The following SORBS2 variants were observed in gnomAD, a reference collection of about 807,000 sequenced individuals.
The protein encoded by SORBS2 is sorbin and SH3 domain containing 2.
A neutral mutation model predicts 97.7 loss-of-function variants in SORBS2; 46 were observed. The observed-to-expected ratio is 0.47, with a 90% CI of 0.37 to 0.60. The LOEUF is 0.60. Ranked by LOEUF, SORBS2 falls within the 20% of genes least tolerant of loss-of-function variation. The pLI, the probability that SORBS2 is intolerant of heterozygous loss-of-function variation, is 0.00. For synonymous variants in SORBS2, 476 were observed against 473.4 expected (o/e 1.01, Z -0.07); for missense variants, 1,316 against 1,282.3 (o/e 1.03, Z -0.40).
chr4:185,721,354 C>T (rs1031505196), intron 2 of SORBS2, among the ~76,000 whole-genome samples: 14 of 152,172 alleles, frequency 9.2e-5, no homozygotes, highest in Admixed American at 7.9e-4. Context: ...GGATTACAGG[C>T]GTGAGCCAGC....
chr4:185,899,759 A>G (rs1055670563), intron 1 of SORBS2, among the ~76,000 whole-genome samples: 1 of 152,248 alleles, frequency 6.6e-6, no homozygotes, highest in Non-Finnish European at 1.5e-5. Context: ...GTGTTACAGT[A>G]GAGCCCAACG....
chr4:185,648,726 G>T (rs994510211), intron 3 of SORBS2, among the ~76,000 whole-genome samples: 3 of 152,174 alleles, frequency 2.0e-5, no homozygotes, highest in African/African-American at 7.2e-5. Context: ...ATAACGAGCT[G>T]CATGAGCTGA....
chr4:185,695,801 A>G (rs1264505057), intron 2 of SORBS2, among the ~76,000 whole-genome samples: 4 of 152,242 alleles, frequency 2.6e-5, no homozygotes, highest in African/African-American at 9.6e-5. Context: ...ATATGTCAAC[A>G]TGCTGCTTTG....
chr4:185,653,318 C>T (rs879615887), intron 1 of SORBS2, among the ~76,000 whole-genome samples: 8 of 152,186 alleles, frequency 5.3e-5, no homozygotes, highest in African/African-American at 1.4e-4. Context: ...AATATGATAA[C>T]AGAGTGTATA....
At chr4:185,849,581 C>A (rs1437177621) in intron 1 of SORBS2, among the ~76,000 whole-genome samples, 1 of 151,798 alleles carries the variant, frequency 6.6e-6, no homozygotes, top group African/African-American at 2.4e-5. Context: ...TCTGCCTAAA[C>A]CCTGTCCTGT....
intron 1 of SORBS2, among the ~76,000 whole-genome samples, chr4:185,943,607 G>A (rs1057293682): frequency 2.6e-5 from 4 of 152,112 alleles, no homozygotes; most frequent in Non-Finnish European, 5.9e-5. Flanking sequence ...ATGTCACAGG[G>A]AAAAATAGCA....
At chr4:185,819,729 C>T (rs552491627) in intron 1 of SORBS2, among the ~76,000 whole-genome samples, 23 of 152,288 alleles carry the variant, frequency 1.5e-4, no homozygotes, top group Non-Finnish European at 2.6e-4. Flanking sequence ...AGCACCCTTC[C>T]TTCATTCCTG....
chr4:185,619,851 C>T (rs890793509), intron 8 of SORBS2, among the ~76,000 whole-genome samples: 2 of 152,194 alleles, frequency 1.3e-5, no homozygotes, highest in Non-Finnish European at 2.9e-5. Context: ...AACTGGGCCA[C>T]CACTAGGGAA....
chr4:185,781,866 G>A (rs545102885), intron 1 of SORBS2, among the ~76,000 whole-genome samples: 74 of 152,378 alleles, frequency 4.9e-4, no homozygotes, highest in Middle Eastern at 3.4e-3. Flanking sequence ...CTCCACCAGC[G>A]TAGCCCCGCC....
intron 2 of SORBS2, among the ~76,000 whole-genome samples, chr4:185,694,821 C>T (rs912054552): frequency 6.6e-6 from 1 of 150,760 alleles, no homozygotes; most frequent in Non-Finnish European, 1.5e-5. Context: ...ATTCTCCTGC[C>T]TCAGCCTTCT....
rs1375140479 is a variant in SORBS2 at position 185,756,988 on chromosome 4, C to T, written c.-198+18239G>A. 45 of 1,387,974 alleles carry T rather than the reference C, an allele frequency of 3.2e-5. 1 individual carries two copies. The highest frequency in any genetic ancestry group is 2.5e-4 in the Middle Eastern group (1 of 3,924). The allele number at this position is 1,387,974 out of a possible 1,614,324, so 86.0% of individuals were successfully genotyped here. A position where few individuals can be genotyped will look rare whatever the true frequency, so the allele number is the denominator to read the frequency against. ...AATTCACCCGCTCGCTCCTGGAGGACGTTAACCAATTCTGCTATCACAAAG... is the reference window on the plus strand; with the variant it reads ...AATTCACCCGCTCGCTCCTGGAGGATGTTAACCAATTCTGCTATCACAAAG... On this transcript the variant is annotated intron_variant, in intron 2 of 20. Coordinates refer to the SORBS2 transcript ENST00000284776.
exon 12 of SORBS2, chr4:185,611,908 G>T: frequency 1.9e-6 from 3 of 1,613,614 alleles, no homozygotes; most frequent in East Asian, 2.2e-5. Context: ...AAGATGCCTT[G>T]TCTGTTGGTT....
upstream of SORBS2, chr4:185,657,155 A>T (rs977928606): frequency 1.8e-5 from 6 of 332,676 alleles, no homozygotes; most frequent in Admixed American, 5.2e-5. Context: ...ACAAACAAAC[A>T]AACTAAACCA....
intron 1 of SORBS2, among the ~76,000 whole-genome samples, chr4:185,795,865 A>G (rs972097015): frequency 2.0e-4 from 30 of 152,180 alleles, no homozygotes; most frequent in African/African-American, 7.2e-4. Context: ...CACTTTTTCC[A>G]TGTCTTGTTT....
At chr4:185,763,171 A>C (rs1030835576) in intron 2 of SORBS2, among the ~76,000 whole-genome samples, 2 of 151,376 alleles carry the variant, frequency 1.3e-5, no homozygotes, top group African/African-American at 4.8e-5. Flanking sequence ...CCTGGGTGAC[A>C]GAGAGAGACT....
chr4:185,806,431 A>C, intron 1 of SORBS2, among the ~76,000 whole-genome samples: 1 of 137,994 alleles, frequency 7.2e-6, no homozygotes, highest in African/African-American at 2.8e-5. Context: ...CTTGGCTAGA[A>C]TCCTATTTTT....
intron 1 of SORBS2, among the ~76,000 whole-genome samples, chr4:185,883,552 G>C (rs1226734643): frequency 6.6e-6 from 1 of 152,180 alleles, no homozygotes; most frequent in Admixed American, 6.5e-5. Flanking sequence ...ACAAAGTCCT[G>C]TGTACAAATG....
chr4:185,873,020 A>G (rs554678671), intron 1 of SORBS2, among the ~76,000 whole-genome samples: 94 of 152,328 alleles, frequency 6.2e-4, no homozygotes, highest in African/African-American at 2.2e-3. Context: ...TGCTTAGCAG[A>G]GAGCCTAGCA....
rs150540221 is a variant in SORBS2 at position 185,741,982 on chromosome 4, G to C, written c.-198+33245C>G. Among the ~76,000 whole-genome samples, 80 of 152,248 alleles carry C rather than the reference G, an allele frequency of 5.3e-4. No individual in the cohort carries two copies. In the East Asian group the frequency reaches 0.014, roughly 26 times the overall value. ...ACAGTTCATGTTTGATACAGCTGCT[G>C]GTCCTGCCAAGGCTGGAGGCCCTCC... is the stretch of plus-strand genomic sequence containing the variant. On this transcript the variant is annotated intron_variant, in intron 2 of 20. Transcript: ENST00000284776.
Sources: gnomAD v4.1 joint callset for allele counts (sites outside exome capture counted in the v4.1 genomes callset) on GRCh38, gnomAD v4.1.1 for gene constraint, MANE v1.5 for transcripts, NCBI Gene and HGNC (gene_info 2026-07-23, HGNC 2026-07-21) for gene names.